SCUBE1: variants seen among roughly 807,000 people sequenced by gnomAD.
SCUBE1 encodes signal peptide, CUB and EGF-like domain-containing protein 1.
In SCUBE1, 59 loss-of-function variants were observed where a neutral mutation model predicts 124.4. The observed-to-expected ratio is 0.47, with a 90% CI of 0.38 to 0.59. The LOEUF (loss-of-function observed/expected upper bound fraction) is 0.59. Ranked by LOEUF, SCUBE1 falls within the 20% of genes least tolerant of loss-of-function variation. The probability of loss-of-function intolerance (pLI) is 0.00; values close to 1 mark genes in which losing one functional copy is unlikely to be tolerated. For missense variants in SCUBE1, 1,150 were observed against 1,371.2 expected, an observed-to-expected ratio of 0.84 and a Z score of 2.55; for synonymous variants, 545 against 550.9, an observed-to-expected ratio of 0.99 and a Z score of 0.15.
intron 4 of SCUBE1, among the ~76,000 whole-genome samples, chr22:43,276,611 C>A (rs1393751419): frequency 6.6e-6 from 1 of 152,224 alleles, no homozygotes; most frequent in Non-Finnish European, 1.5e-5. Context: ...CTCTGCCAAC[C>A]AGGCATCTGC....
At chr22:43,230,467 G>A (rs1021660943) in intron 8 of SCUBE1, among the ~76,000 whole-genome samples, 35 of 152,234 alleles carry the variant, frequency 2.3e-4, no homozygotes, top group African/African-American at 8.2e-4. Context: ...GGGGTGGGGC[G>A]GGTGAGGACA....
At chr22:43,235,222 G>C (rs1200871634) in intron 7 of SCUBE1, among the ~76,000 whole-genome samples, 2 of 152,222 alleles carry the variant, frequency 1.3e-5, no homozygotes, top group African/African-American at 4.8e-5. Flanking sequence ...GGGCCACTGA[G>C]TGGACTCTTT....
At chr22:43,313,803 C>T (rs769506339) in intron 3 of SCUBE1, among the ~76,000 whole-genome samples, 11 of 152,138 alleles carry the variant, frequency 7.2e-5, no homozygotes, top group South Asian at 2.1e-4. Context: ...CTCGCTTACT[C>T]GAAAGAAAAG....
At chr22:43,247,460 A>G (rs1326943596) in intron 6 of SCUBE1, among the ~76,000 whole-genome samples, 1 of 152,208 alleles carries the variant, frequency 6.6e-6, no homozygotes, top group Non-Finnish European at 1.5e-5. Flanking sequence ...TCTCTGCTCT[A>G]AGAACAAATG....
intron 3 of SCUBE1, among the ~76,000 whole-genome samples, chr22:43,302,123 T>C (rs2253884): frequency 0.78 from 118,415 of 152,196 alleles, 46,946 homozygotes; most frequent in Admixed American, 0.86. Flanking sequence ...TGTGCTCATC[T>C]GCCGCCTTAG....
In SCUBE1 at chr22:43,281,436, TGGCCACCCTCCTGTCATCTCC is replaced by T. The variant is rs1260118846; in HGVS notation, c.484+9589_484+9609del. ...TCAGCCATCCTCCTGTCACCTCCCT[TGGCCACCCTCCTGTCATCTCC>T]CTCAGCCACCCTCCTGTCACCTCCC... On this transcript the variant is annotated intron_variant, in intron 4 of 21. Transcript: ENST00000360835. 8.2e-5 allele frequency among the ~76,000 whole-genome samples: 5 copies of T among 60,620 alleles called. No individual in the cohort carries two copies. The African/African-American group carries it at 9.4e-4, about 11-fold the overall frequency. 39.8% of individuals were successfully genotyped at this position (60,620 alleles called of 152,430 possible).
At chr22:43,314,198 C>G (rs761134206) in intron 3 of SCUBE1, among the ~76,000 whole-genome samples, 1 of 152,174 alleles carries the variant, frequency 6.6e-6, no homozygotes, top group African/African-American at 2.4e-5. Flanking sequence ...GGGGACAAAA[C>G]CTTGTGCAGG....
chr22:43,238,974 G>C lies in SCUBE1; in HGVS notation c.728-20C>G, dbSNP rs1033632557. On this transcript the variant is annotated intron_variant, in intron 6 of 21. Coordinates refer to ENST00000360835, the MANE Select transcript of SCUBE1 (RefSeq NM_173050.5). Reference sequence around the variant, plus strand: ...ACGTCTCTGGGGAGGGAAAGAGACAGAGACCTCAGTTTCCTTGGACAGAAG... The same window carrying C: ...ACGTCTCTGGGGAGGGAAAGAGACACAGACCTCAGTTTCCTTGGACAGAAG... 1.9e-6 allele frequency: 3 copies of C among 1,586,652 alleles called. No individual in the cohort carries two copies. The highest frequency in any genetic ancestry group is 2.6e-6 in the Non-Finnish European group (3 of 1,156,574).
intron 6 of SCUBE1, among the ~76,000 whole-genome samples, chr22:43,247,779 G>A (rs1033870972): frequency 1.3e-5 from 2 of 152,246 alleles, no homozygotes; most frequent in Admixed American, 6.5e-5. Flanking sequence ...AGAGGGGCCC[G>A]GTCGGGCCTG....
intron 21 of SCUBE1, among the ~76,000 whole-genome samples, chr22:43,206,295 C>T (rs1056854887): frequency 6.6e-6 from 1 of 151,346 alleles, no homozygotes; most frequent in African/African-American, 2.4e-5. Flanking sequence ...ACTCAACACA[C>T]ACCCCTACAC....
At chr22:43,204,415 C>T in intron 21 of SCUBE1, among the ~76,000 whole-genome samples, 1 of 152,072 alleles carries the variant, frequency 6.6e-6, no homozygotes, top group East Asian at 2.0e-4. Context: ...TCTGCTGCCT[C>T]AGCCTCTCGA....
chr22:43,310,450 C>T (rs8139869), intron 3 of SCUBE1, among the ~76,000 whole-genome samples: 4,281 of 152,274 alleles, frequency 0.028, 214 homozygotes, highest in African/African-American at 0.097. Flanking sequence ...GGAAAGACCA[C>T]ATAAAGAGGC....
chr22:43,297,832 G>A (rs141329909), intron 3 of SCUBE1, among the ~76,000 whole-genome samples: 6 of 152,282 alleles, frequency 3.9e-5, no homozygotes, highest in Non-Finnish European at 5.9e-5. Flanking sequence ...AATATTTCCC[G>A]ATTTGAAACA....
At chr22:43,342,912 G>A (rs1286551481) in intron 1 of SCUBE1, among the ~76,000 whole-genome samples, 1 of 151,592 alleles carries the variant, frequency 6.6e-6, no homozygotes, top group Non-Finnish European at 1.5e-5. Flanking sequence ...TTTCTTCCTC[G>A]CTCCCGCGCT....
intron 12 of SCUBE1, among the ~76,000 whole-genome samples, 158 bp downstream of exon 12, chr22:43,222,480 C>CA (rs561717872): frequency 1.4e-3 from 213 of 152,332 alleles, no homozygotes; most frequent in Non-Finnish European, 2.5e-3. Flanking sequence ...CTTCTAGGTC[C>CA]TGGGCCTGGC....
intron 10 of SCUBE1, 27 bp downstream of exon 10, chr22:43,227,347 G>T: frequency 6.3e-7 from 1 of 1,596,374 alleles, no homozygotes; most frequent in East Asian, 2.2e-5. Flanking sequence ...GCAGGGGAGG[G>T]GCCAGCAGCA....
chr22:43,292,953 C>T (rs59420112), intron 3 of SCUBE1, among the ~76,000 whole-genome samples: 3,437 of 152,308 alleles, frequency 0.023, 123 homozygotes, highest in African/African-American at 0.078. Context: ...GCCAGGTGAT[C>T]GCACCATTCT....
chr22:43,288,289 C>T lies in SCUBE1; in HGVS notation c.484+2757G>A, dbSNP rs540130613. 3.8e-3 allele frequency among the ~76,000 whole-genome samples: 575 copies of T among 152,178 alleles called. 6 individuals are homozygous for T. The highest frequency in any genetic ancestry group is 0.013 in the African/African-American group (553 of 41,518). Reference sequence around the variant, plus strand: ...GAGTGAGCCATGTGTGCCCAGGGTCCCACCCAACACCAGCCACTGCACAAT... The same window carrying T: ...GAGTGAGCCATGTGTGCCCAGGGTCTCACCCAACACCAGCCACTGCACAAT... On this transcript the variant is annotated intron_variant, in intron 4 of 21. Transcript: ENST00000360835.
intron 3 of SCUBE1, among the ~76,000 whole-genome samples, chr22:43,297,626 A>T (rs901189777): frequency 1.3e-5 from 2 of 152,130 alleles, no homozygotes; most frequent in African/African-American, 4.8e-5. Context: ...CCATAGGTTG[A>T]CCCGCTTCCG....
Sources: allele counts gnomAD v4.1 joint callset (sites outside exome capture counted in the v4.1 genomes callset), GRCh38; gene constraint gnomAD v4.1.1; transcripts MANE v1.5; gene names NCBI Gene and HGNC (gene_info 2026-07-23, HGNC 2026-07-21).